Variants in NTM observed in about 807,000 individuals in gnomAD.
NTM encodes the protein IgLON family member 2.
A neutral mutation model predicts 42.1 loss-of-function variants in NTM; 13 were observed. That is an observed-to-expected ratio of 0.31 (90% CI 0.20 to 0.49). The LOEUF (loss-of-function observed/expected upper bound fraction) is 0.49. Among genes scored for constraint, NTM ranks in the 20% least tolerant of loss-of-function variants. The pLI, the probability that NTM is intolerant of heterozygous loss-of-function variation, is 0.99. For missense variants in NTM, 373 were observed against 452.8 expected, an observed-to-expected ratio of 0.82 and a Z score of 1.60; for synonymous variants, 187 against 179.2, an observed-to-expected ratio of 1.04 and a Z score of -0.35.
chr11:131,587,216 A>T (rs1027633631), intron 1 of NTM, among the ~76,000 whole-genome samples: 1 of 152,190 alleles, frequency 6.6e-6, no homozygotes, highest in African/African-American at 2.4e-5. Flanking sequence ...TGATAGGCTG[A>T]GGTGGGCAGA....
chr11:132,116,033 G>T (rs896278403), intron 2 of NTM, among the ~76,000 whole-genome samples: 2 of 152,166 alleles, frequency 1.3e-5, no homozygotes, highest in East Asian at 1.9e-4. Context: ...CCTTCTCTGC[G>T]TCTCTCTGAG....
At chr11:131,973,712 G>A (rs2063897235) in intron 2 of NTM, among the ~76,000 whole-genome samples, 1 of 152,140 alleles carries the variant, frequency 6.6e-6, no homozygotes, top group South Asian at 2.1e-4. Flanking sequence ...AGCTGCTCGG[G>A]AGGCCAAGGC....
intron 2 of NTM, among the ~76,000 whole-genome samples, chr11:131,952,857 C>A (rs944068403): frequency 2.6e-5 from 4 of 152,196 alleles, no homozygotes; most frequent in African/African-American, 9.7e-5. Flanking sequence ...CTATTTCTCT[C>A]TTCTTGCCCT....
At chr11:131,391,340 C>T (rs541331719) in intron 1 of NTM, among the ~76,000 whole-genome samples, 1 of 152,076 alleles carries the variant, frequency 6.6e-6, no homozygotes, top group Admixed American at 6.5e-5. Context: ...CCTGGCAGGG[C>T]CCCAGCTCTC....
chr11:131,855,958 C>A (rs986789304), intron 1 of NTM, among the ~76,000 whole-genome samples: 2 of 152,128 alleles, frequency 1.3e-5, no homozygotes, highest in Non-Finnish European at 2.9e-5. Flanking sequence ...AATGGCCTAC[C>A]CTGTTCTCTG....
chr11:131,821,822 C>T (rs2093202542), intron 1 of NTM, among the ~76,000 whole-genome samples: 1 of 152,150 alleles, frequency 6.6e-6, no homozygotes, highest in Non-Finnish European at 1.5e-5. Context: ...ATTGACTGAT[C>T]CATGATAGTT....
chr11:131,491,499 G>T, intron 1 of NTM, among the ~76,000 whole-genome samples: 2 of 151,850 alleles, frequency 1.3e-5, no homozygotes, highest in African/African-American at 4.8e-5. Flanking sequence ...ATTTGTAATT[G>T]CATATTCTTT....
chr11:131,419,790 AG>A lies in NTM; in HGVS notation c.82+48905del, dbSNP rs1184629595. Among the ~76,000 whole-genome samples, 53 of 152,286 alleles carry A rather than the reference AG, an allele frequency of 3.5e-4. No homozygotes were observed. In the Middle Eastern group the frequency reaches 0.02, roughly 59 times the overall value. On this transcript the variant is annotated intron_variant, in intron 1 of 8. Transcript: ENST00000683400. ...TGCTGTGCCCAGAGGAAATTGGAGG[AG>A]GGCAGTAGCAGATGTCGGGAGGCCA...
chr11:132,098,836 C>T (rs1006764909), intron 2 of NTM, among the ~76,000 whole-genome samples: 2 of 152,226 alleles, frequency 1.3e-5, no homozygotes, highest in Non-Finnish European at 2.9e-5. Flanking sequence ...GGCCAGGCAC[C>T]CTTGTGCAGT....
intron 4 of NTM, among the ~76,000 whole-genome samples, chr11:132,213,528 G>GTCCTC (rs1363417887): frequency 6.6e-6 from 1 of 151,976 alleles, no homozygotes; most frequent in Non-Finnish European, 1.5e-5. Context: ...TGAGGCATAA[G>GTCCTC]TCCTCTGCTC....
At chr11:131,647,409 C>G (rs1157757246) in intron 1 of NTM, among the ~76,000 whole-genome samples, 1 of 152,250 alleles carries the variant, frequency 6.6e-6, no homozygotes, top group Non-Finnish European at 1.5e-5. Flanking sequence ...GGCAGCCCTA[C>G]ACTGCCTGTG....
At chr11:132,204,217 T>C (rs548416177) in intron 3 of NTM, among the ~76,000 whole-genome samples, 1 of 152,334 alleles carries the variant, frequency 6.6e-6, no homozygotes, top group South Asian at 2.1e-4. Flanking sequence ...ATACAGCAGG[T>C]ATTTAATAAA....
chr11:131,447,401 G>T (rs190064313), intron 1 of NTM, among the ~76,000 whole-genome samples: 3 of 152,176 alleles, frequency 2.0e-5, no homozygotes, highest in East Asian at 1.9e-4. Flanking sequence ...ATGAATTTTG[G>T]TTGCCTCTTC....
intron 2 of NTM, among the ~76,000 whole-genome samples, chr11:131,948,490 C>T (rs1701378512): frequency 6.6e-6 from 1 of 152,194 alleles, no homozygotes. Context: ...GGTGGTGCTC[C>T]TCTGGTGATA....
chr11:132,172,179 T>C (rs2076206414), intron 3 of NTM, among the ~76,000 whole-genome samples: 2 of 152,220 alleles, frequency 1.3e-5, no homozygotes, highest in African/African-American at 4.8e-5. Flanking sequence ...GAGATGAACA[T>C]AGAGATCATA....
Position 131,898,803 on chromosome 11 carries a change from C to T in NTM, c.83-12761C>T, listed in dbSNP as rs75484701. Among the ~76,000 whole-genome samples, 530 of 152,274 alleles carry T rather than the reference C, an allele frequency of 3.5e-3. 6 individuals are homozygous for T. Among genetic ancestry groups the T allele is most frequent in the African/African-American group, 0.012 (500 of 41,526 alleles). ...CAATCTCTTGGGCTCTGTGCATTTA[C>T]ACATCTGTGTCTTCAGGAAATGAAA... On this transcript the variant is annotated intron_variant, in intron 1 of 8. Transcript: ENST00000683400.
chr11:131,736,968 T>C (rs991226284), intron 1 of NTM, among the ~76,000 whole-genome samples: 19 of 152,198 alleles, frequency 1.2e-4, no homozygotes, highest in African/African-American at 4.6e-4. Flanking sequence ...AGCAATGCCA[T>C]TGCAAGAGTC....
intron 1 of NTM, among the ~76,000 whole-genome samples, chr11:131,751,943 A>C (rs1293468094): frequency 6.6e-6 from 1 of 152,176 alleles, no homozygotes; most frequent in African/African-American, 2.4e-5. Context: ...GATACCTGAC[A>C]CGACACTGAT....
At chr11:132,065,121 C>T (rs1370530196) in intron 2 of NTM, among the ~76,000 whole-genome samples, 3 of 152,140 alleles carry the variant, frequency 2.0e-5, no homozygotes, top group East Asian at 1.9e-4. Flanking sequence ...GCTGGCTGTC[C>T]GGATCACCAG....
Sources: gnomAD v4.1 joint callset for allele counts (sites outside exome capture counted in the v4.1 genomes callset) on GRCh38, gnomAD v4.1.1 for gene constraint, MANE v1.5 for transcripts, NCBI Gene and HGNC (gene_info 2026-07-23, HGNC 2026-07-21) for gene names.